The following PROSER2 variants were observed in gnomAD, a reference collection of about 807,000 sequenced individuals.
PROSER2 encodes the protein proline and serine-rich protein 2.
Under a neutral mutation model 14.6 loss-of-function variants are expected in PROSER2, and 18 were observed. The ratio of observed to expected loss-of-function variants is 1.23; its 90% CI spans 0.85 to 1.83. The LOEUF is 1.83. Ranked by LOEUF, PROSER2 falls within the 40% of genes most tolerant of loss-of-function variation. The pLI is 0.00. For synonymous variants in PROSER2, 367 were observed against 286.4 expected (o/e 1.28, Z -2.84); for missense variants, 823 against 629.8 (o/e 1.31, Z -3.28).
At chr10:11,858,137 C>G (rs908177811) in intron 2 of PROSER2, among the ~76,000 whole-genome samples, 1 of 151,972 alleles carries the variant, frequency 6.6e-6, no homozygotes, top group African/African-American at 2.4e-5. Flanking sequence ...CGGGGTTTCA[C>G]CATGTTGGCC....
Position 11,872,061 on chromosome 10 carries a change from G to A in PROSER2, c.*1655G>A, listed in dbSNP as rs930399180. ...TGGATTGGTTTAAAGGATTTATAAG[G>A]GCTGTGTTTGCTCTTTACAAGGCAA... On this transcript the variant is annotated 3_prime_UTR_variant, in exon 4 of 4. Transcript: ENST00000277570. 1 of 152,120 alleles carries A rather than the reference G, an allele frequency of 6.6e-6. No individual in the cohort carries two copies. Among genetic ancestry groups the A allele is most frequent in the Admixed American group, 6.5e-5 (1 of 15,272 alleles). 9.4% of individuals were successfully genotyped at this position (152,120 alleles called of 1,614,324 possible). A position where few individuals can be genotyped will look rare whatever the true frequency, so the allele number is the denominator to read the frequency against.
intron 2 of PROSER2, among the ~76,000 whole-genome samples, chr10:11,852,554 C>G (rs1311138396): frequency 6.7e-6 from 1 of 149,874 alleles, no homozygotes; most frequent in South Asian, 2.1e-4. Context: ...TTTTTTGAGA[C>G]AGAGTCTCAC....
rs1833792553 is a variant in PROSER2 at position 11,838,471 on chromosome 10, A to G, written c.-81-13526A>G. ...TCTTCTCAACAGCAGGCAACACTGT[A>G]TACCCATCCCGGCACGTGTTTCCAC... On this transcript the variant is annotated intron_variant, in intron 1 of 3. Coordinates refer to ENST00000277570, the MANE Select transcript of PROSER2 (RefSeq NM_153256.4). This position sits in a 1 kb window ranked among gnomAD's most constrained non-coding sequence, Gnocchi z 4.4. Among the ~76,000 whole-genome samples, 1 of 152,236 alleles carries G rather than the reference A, an allele frequency of 6.6e-6. No homozygotes were observed. Among genetic ancestry groups the G allele is most frequent in the South Asian group, 2.1e-4 (1 of 4,832 alleles).
chr10:11,829,525 T>C (rs1463476575), intron 1 of PROSER2, among the ~76,000 whole-genome samples: 1 of 151,664 alleles, frequency 6.6e-6, no homozygotes, highest in Non-Finnish European at 1.5e-5. Flanking sequence ...GAGGCTACAG[T>C]GAGCTGTGAT....
intron 1 of PROSER2, among the ~76,000 whole-genome samples, chr10:11,829,953 C>G (rs1412963885): frequency 6.7e-6 from 1 of 149,214 alleles, no homozygotes; most frequent in African/African-American, 2.5e-5. Flanking sequence ...AAGCAATTCT[C>G]CCACCTCAGC....
intron 1 of PROSER2, among the ~76,000 whole-genome samples, chr10:11,825,043 A>G (rs12413183): frequency 1.3e-5 from 2 of 152,216 alleles, no homozygotes; most frequent in African/African-American, 4.8e-5. Context: ...CAAACTGATT[A>G]AAACCAGATC....
At position 11,869,607 on chromosome 10, in the gene PROSER2, C is replaced by G. The variant is rs1047869413; in HGVS notation, c.509C>G (p.Pro170Arg). ...APPPLPSTPD[P>R]PRRELRAPSP... is the part of the protein sequence containing the mutation. ...CCACCCCTGCCTAGCACCCCCGATC[C>G]CCCCAGGAGGGAGCTGCGCGCCCCC... The change falls in exon 4 of 4, where the codon CCC becomes CGC. Residue 170 changes from proline (P) to arginine (R), a missense_variant. Pro to Arg is a moderately radical substitution (Grantham distance 103, BLOSUM62 -2). Transcript: ENST00000277570. This position sits in a 1 kb window ranked among gnomAD's most constrained non-coding sequence, Gnocchi z 4.4. 3 of 1,604,892 alleles carry G rather than the reference C, an allele frequency of 1.9e-6. No individual in the cohort carries two copies. Among genetic ancestry groups the G allele is most frequent in the African/African-American group, 1.3e-5 (1 of 74,810 alleles).
intron 1 of PROSER2, among the ~76,000 whole-genome samples, chr10:11,845,056 T>C (rs1833903995): frequency 6.6e-6 from 1 of 152,202 alleles, no homozygotes; most frequent in African/African-American, 2.4e-5. Context: ...AATAACATTA[T>C]AAGGTTGGTG....
chr10:11,867,995 T>C (rs1466466437), intron 3 of PROSER2, among the ~76,000 whole-genome samples: 4 of 152,230 alleles, frequency 2.6e-5, no homozygotes, highest in Non-Finnish European at 5.9e-5. Context: ...TGTGTACACA[T>C]GTATGTCTTT....
intron 2 of PROSER2, among the ~76,000 whole-genome samples, chr10:11,855,152 T>TG (rs1417107611): frequency 2.0e-4 from 31 of 151,456 alleles, no homozygotes; most frequent in Admixed American, 3.9e-4. Flanking sequence ...TTTTTGTTTT[T>TG]TTTTTTTTTT....
rs561292476 is a variant in PROSER2, at chr10:11,852,012, G to A, written c.-66G>A. On this transcript the variant is annotated 5_prime_UTR_variant, in exon 2 of 4. Transcript: ENST00000277570. ...GTGTCTCTAGGAGTGAGCTGTTGCCGCAGAATGGGCTGCTGGCTCCTGCCC... is the reference window on the plus strand; with the variant it reads ...GTGTCTCTAGGAGTGAGCTGTTGCCACAGAATGGGCTGCTGGCTCCTGCCC... 32 of 1,507,060 alleles carry A rather than the reference G, an allele frequency of 2.1e-5. No homozygotes were observed. Among genetic ancestry groups the A allele is most frequent in the Middle Eastern group, 2.2e-4 (1 of 4,516 alleles). The allele number at this position is 1,507,060 out of a possible 1,614,324, so 93.4% of individuals were successfully genotyped here. A position where few individuals can be genotyped will look rare whatever the true frequency, so the allele number is the denominator to read the frequency against.
rs963858638 is a variant in PROSER2 at position 11,862,830 on chromosome 10, A to T, written c.139-3701A>T. 3 of 152,114 alleles carry T rather than the reference A, an allele frequency of 2.0e-5. No individual in the cohort carries two copies. Among genetic ancestry groups the T allele is most frequent in the Non-Finnish European group, 1.5e-5 (1 of 68,020 alleles). The allele number at this position is 152,114 out of a possible 1,614,324, so 9.4% of individuals were successfully genotyped here. Reference sequence around the variant, plus strand: ...AGGAGTACTCACCTGTATTATGGAGAAAAAAAAGCTCAACATCATTAGTCT... The same window carrying T: ...AGGAGTACTCACCTGTATTATGGAGTAAAAAAAGCTCAACATCATTAGTCT... On this transcript the variant is annotated intron_variant, in intron 2 of 3. Coordinates refer to ENST00000277570, the MANE Select transcript of PROSER2 (RefSeq NM_153256.4). The surrounding 1 kb of genome is among the most constrained non-coding windows in gnomAD (Gnocchi z 4.2).
chr10:11,844,305 T>C (rs755741866), intron 1 of PROSER2, among the ~76,000 whole-genome samples: 7 of 152,210 alleles, frequency 4.6e-5, no homozygotes, highest in Non-Finnish European at 7.3e-5. Context: ...TGAATATTTT[T>C]ACAGTATCTT....
At chr10:11,826,732 C>T (rs952940851) in intron 1 of PROSER2, among the ~76,000 whole-genome samples, 1 of 152,120 alleles carries the variant, frequency 6.6e-6, no homozygotes, top group African/African-American at 2.4e-5. Context: ...TGCCGCCCAC[C>T]ACCACGCCGG....
intron 1 of PROSER2, among the ~76,000 whole-genome samples, chr10:11,833,235 C>T (rs371473330): frequency 7.4e-4 from 65 of 87,654 alleles, no homozygotes; most frequent in African/African-American, 1.1e-3. Flanking sequence ...AATGTTGTGG[C>T]TTTTTTTTTT....
At chr10:11,855,108 TAAGA>T (rs1302874972) in intron 2 of PROSER2, among the ~76,000 whole-genome samples, 1 of 150,872 alleles carries the variant, frequency 6.6e-6, no homozygotes, top group African/African-American at 2.4e-5. Context: ...GTGGGTTTCT[TAAGA>T]AAGAAAACCT....
At position 11,862,941 on chromosome 10, in the gene PROSER2, C is replaced by A. The variant is rs1834272222; in HGVS notation, c.139-3590C>A. On this transcript the variant is annotated intron_variant, in intron 2 of 3. Transcript: ENST00000277570. This position sits in a 1 kb window ranked among gnomAD's most constrained non-coding sequence, Gnocchi z 4.2. ...CTAGAGCAACCAGCCCTGCCGAAAG[C>A]AAGTGTCAGTCAGTACAACCACTTC... 1 of 152,188 alleles carries A rather than the reference C, an allele frequency of 6.6e-6. No homozygotes were observed. The highest frequency in any genetic ancestry group is 1.5e-5 in the Non-Finnish European group (1 of 68,040). The allele number at this position is 152,188 out of a possible 1,614,324, so 9.4% of individuals were successfully genotyped here.
chr10:11,845,735 A>T (rs1478953779), intron 1 of PROSER2, among the ~76,000 whole-genome samples: 2 of 152,150 alleles, frequency 1.3e-5, no homozygotes, highest in Admixed American at 6.5e-5. Context: ...AGCAGCCTGC[A>T]GGGAGCTGGC....
At chr10:11,855,431 G>A (rs1449981446) in intron 2 of PROSER2, among the ~76,000 whole-genome samples, 7 of 144,288 alleles carry the variant, frequency 4.9e-5, no homozygotes, top group African/African-American at 1.6e-4. Context: ...CCGAGATCGC[G>A]CCACTGCACT....
Sources: allele counts gnomAD v4.1 joint callset (sites outside exome capture counted in the v4.1 genomes callset), GRCh38; gene constraint gnomAD v4.1.1; non-coding constraint Gnocchi (gnomAD v3.1); transcripts MANE v1.5; gene names NCBI Gene and HGNC (gene_info 2026-07-23, HGNC 2026-07-21).